Variants in RHBDD1 observed in about 807,000 individuals in gnomAD.
RHBDD1 encodes the protein rhomboid domain containing 1.
In RHBDD1, 38 loss-of-function variants were observed where a neutral mutation model predicts 36.3. That is an observed-to-expected ratio of 1.05 (90% CI 0.81 to 1.37). The LOEUF (loss-of-function observed/expected upper bound fraction) is 1.37, where lower values mean the gene tolerates loss of function less well. Among genes scored for constraint, RHBDD1 ranks in the 40% most tolerant of loss-of-function variants. The pLI is 0.00. For synonymous variants in RHBDD1, 151 were observed against 136.5 expected (o/e 1.11, Z -0.74); for missense variants, 393 against 377.6 (o/e 1.04, Z -0.34).
the RHBDD1 span, among the ~76,000 whole-genome samples, chr2:226,826,414 T>A: frequency 2.0e-5 from 3 of 152,200 alleles, no homozygotes; most frequent in South Asian, 2.1e-4. Flanking sequence ...GTCAGGATAA[T>A]TAACCTTGGC....
chr2:226,979,164 C>G (rs2149406975), intron 8 of RHBDD1, among the ~76,000 whole-genome samples: 1 of 152,178 alleles, frequency 6.6e-6, no homozygotes, highest in East Asian at 1.9e-4. Flanking sequence ...GCCCAAGGCC[C>G]AAGAGCCCCC....
chr2:226,958,779 G>T (rs1020874289), intron 8 of RHBDD1, among the ~76,000 whole-genome samples: 1 of 149,890 alleles, frequency 6.7e-6, no homozygotes, highest in Non-Finnish European at 1.5e-5. Flanking sequence ...AAGACGCCAG[G>T]TTCTTGGGAC....
the RHBDD1 span, among the ~76,000 whole-genome samples, chr2:226,818,824 A>G: frequency 6.6e-6 from 1 of 151,962 alleles, no homozygotes; most frequent in Non-Finnish European, 1.5e-5. Flanking sequence ...GGGCAACAAG[A>G]GTGAGAATCC....
At position 226,990,493 on chromosome 2, in the gene RHBDD1, C is replaced by T. The variant is rs537298063; in HGVS notation, c.857-4938C>T. On this transcript the variant is annotated intron_variant, in intron 8 of 8. Coordinates refer to ENST00000392062, the MANE Select transcript of RHBDD1 (RefSeq NM_001167608.3). ...TATAACTTCACTGCATGGCATAGTG[C>T]GTTCATCAGATCATGGGCAGGATCT... is the stretch of plus-strand genomic sequence containing the variant. Among the ~76,000 whole-genome samples, 10 of 152,286 alleles carry T rather than the reference C, an allele frequency of 6.6e-5. 1 individual carries two copies. Among genetic ancestry groups the T allele is most frequent in the Admixed American group, 1.3e-4 (2 of 15,296 alleles).
At chr2:226,844,473 C>T (rs1942009491) in intron 3 of RHBDD1, among the ~76,000 whole-genome samples, 1 of 152,182 alleles carries the variant, frequency 6.6e-6, no homozygotes, top group Admixed American at 6.5e-5. Flanking sequence ...TGCTTTTCCC[C>T]CTTTTCACTA....
chr2:226,966,567 A>C (rs1040563224), intron 8 of RHBDD1, among the ~76,000 whole-genome samples: 1 of 152,266 alleles, frequency 6.6e-6, no homozygotes, highest in Non-Finnish European at 1.5e-5. Context: ...GTTTTCAGCT[A>C]TGCATAATTT....
intron 5 of RHBDD1, among the ~76,000 whole-genome samples, chr2:226,867,983 CT>C (rs1457986112): frequency 6.6e-6 from 1 of 152,170 alleles, no homozygotes; most frequent in African/African-American, 2.4e-5. Context: ...TCCCAAAGTG[CT>C]GGGATTACAG....
At chr2:226,916,467 T>G (rs920892396) in intron 8 of RHBDD1, among the ~76,000 whole-genome samples, 1 of 152,134 alleles carries the variant, frequency 6.6e-6, no homozygotes, top group Non-Finnish European at 1.5e-5. Flanking sequence ...CCATGAAATA[T>G]TACAGGACAA....
chr2:226,882,430 CAAAAA>C (rs58149634), intron 5 of RHBDD1, among the ~76,000 whole-genome samples: 2 of 57,116 alleles, frequency 3.5e-5, no homozygotes, highest in East Asian at 5.1e-4. Context: ...GACTTTGCCT[CAAAAA>C]AAAAAAAAAA....
At chr2:226,863,495 A>G (rs981611096) in intron 3 of RHBDD1, among the ~76,000 whole-genome samples, 8 of 152,206 alleles carry the variant, frequency 5.3e-5, no homozygotes, top group African/African-American at 1.9e-4. Flanking sequence ...ACCAAGTACC[A>G]TTTATTTAGC....
intron 8 of RHBDD1, among the ~76,000 whole-genome samples, chr2:226,986,591 C>A (rs1475777402): frequency 1.3e-5 from 2 of 152,202 alleles, no homozygotes; most frequent in Non-Finnish European, 2.9e-5. Flanking sequence ...AGCTCATCAT[C>A]ACTGGTCATT....
intron 8 of RHBDD1, among the ~76,000 whole-genome samples, chr2:226,961,456 A>G (rs1952193584): frequency 6.6e-6 from 1 of 152,210 alleles, no homozygotes; most frequent in Non-Finnish European, 1.5e-5. Flanking sequence ...AATTTCTCCA[A>G]AAAGATAATA....
intron 8 of RHBDD1, among the ~76,000 whole-genome samples, chr2:226,966,985 A>G (rs1299834686): frequency 6.6e-6 from 1 of 152,142 alleles, no homozygotes; most frequent in East Asian, 1.9e-4. Context: ...GTACAATAAA[A>G]TTTGAGAACC....
intron 5 of RHBDD1, among the ~76,000 whole-genome samples, chr2:226,905,042 C>G (rs1292878981): frequency 6.6e-6 from 1 of 152,126 alleles, no homozygotes; most frequent in Non-Finnish European, 1.5e-5. Context: ...TATGTAAAAG[C>G]CACATAAAGG....
chr2:226,978,586 A>T (rs1955011228), intron 8 of RHBDD1, among the ~76,000 whole-genome samples: 1 of 152,148 alleles, frequency 6.6e-6, no homozygotes, highest in Admixed American at 6.5e-5. Context: ...GCATTTGTTC[A>T]TTTATTTGTT....
chr2:226,912,288 C>T (rs888327145), intron 7 of RHBDD1, among the ~76,000 whole-genome samples: 11 of 152,160 alleles, frequency 7.2e-5, no homozygotes, highest in Non-Finnish European at 1.3e-4. Flanking sequence ...CTTTGGAAAA[C>T]ATTCTGGCGA....
At chr2:226,912,895 A>G (rs1020460655) in intron 7 of RHBDD1, among the ~76,000 whole-genome samples, 2 of 152,192 alleles carry the variant, frequency 1.3e-5, no homozygotes, top group African/African-American at 4.8e-5. Context: ...AAAAATATCA[A>G]TAGACACAAC....
intron 5 of RHBDD1, chr2:226,869,193 G>A (rs1944579789): frequency 2.0e-6 from 2 of 985,138 alleles, no homozygotes; most frequent in South Asian, 4.7e-5. Flanking sequence ...TGTGTCATAT[G>A]CATATTCTTT....
chr2:226,869,254 T>C, intron 5 of RHBDD1: 1 of 876,428 alleles, frequency 1.1e-6, no homozygotes, highest in Non-Finnish European at 1.4e-6. Flanking sequence ...ATTTCCTGTC[T>C]TTGAACTTAA....
Sources: allele counts gnomAD v4.1 joint callset (sites outside exome capture counted in the v4.1 genomes callset), GRCh38; gene constraint gnomAD v4.1.1; transcripts MANE v1.5; gene names NCBI Gene and HGNC (gene_info 2026-07-23, HGNC 2026-07-21).